Variants in CSNK2A1 observed in about 807,000 individuals in gnomAD.
The protein encoded by CSNK2A1 is casein kinase II subunit alpha.
A neutral mutation model predicts 62.9 loss-of-function variants in CSNK2A1; 10 were observed. The ratio of observed to expected loss-of-function variants is 0.16; its 90% confidence interval spans 0.10 to 0.27. The LOEUF is 0.27. CSNK2A1 is among the 10% of genes least tolerant of loss of function. The pLI, the probability that CSNK2A1 is intolerant of heterozygous loss-of-function variation, is 1.00. For missense variants in CSNK2A1, 160 were observed against 492.0 expected, an observed-to-expected ratio of 0.33 and a Z score of 6.38; for synonymous variants, 124 against 167.8, an observed-to-expected ratio of 0.74 and a Z score of 2.02.
chr20:505,235 G>A lies in CSNK2A1; in HGVS notation c.102-6C>T. ...GCTGGTAGTCATCTTGATTTCTGTGGACACAAACAAAATGACTTATAAACG... is the reference window on the plus strand; with the variant it reads ...GCTGGTAGTCATCTTGATTTCTGTGAACACAAACAAAATGACTTATAAACG... On this transcript the variant is annotated splice_polypyrimidine_tract_variant and splice_region_variant and intron_variant, in intron 3 of 13. Coordinates refer to ENST00000217244, the MANE Select transcript of CSNK2A1 (RefSeq NM_177559.3). The A allele has an allele frequency of 6.2e-7, 1 of 1,607,988 alleles. No homozygotes were observed. The highest frequency in any genetic ancestry group is 8.5e-7 in the Non-Finnish European group (1 of 1,175,662).
rs2018411797 is a variant in CSNK2A1 at position 499,386 on chromosome 20, G to A, written c.316-81C>T. On this transcript the variant is annotated intron_variant, in intron 5 of 13. Coordinates refer to ENST00000217244, the MANE Select transcript of CSNK2A1 (RefSeq NM_177559.3). The surrounding 1 kb of genome is among the most constrained non-coding windows in gnomAD (Gnocchi z 4.2). ...AATGGGGACAATGTTTGCGGATGCT[G>A]CGTGGTGAAATTTGGCAGTCCTCGC... The A allele has an allele frequency of 7.0e-7, 1 of 1,422,120 alleles. No individual in the cohort carries two copies. The highest frequency in any genetic ancestry group is 9.7e-7 in the Non-Finnish European group (1 of 1,034,850). 88.1% of individuals were successfully genotyped at this position (1,422,120 alleles called of 1,614,324 possible).
chr20:538,936 G>A (rs1243605627), intron 1 of CSNK2A1, among the ~76,000 whole-genome samples: 1 of 152,114 alleles, frequency 6.6e-6, no homozygotes, highest in East Asian at 1.9e-4. Context: ...ATCTCACTAA[G>A]CTGACCATCA....
At chr20:485,843 T>C (rs1429130638) in intron 13 of CSNK2A1, among the ~76,000 whole-genome samples, 2 of 152,242 alleles carry the variant, frequency 1.3e-5, no homozygotes, top group African/African-American at 2.4e-5. Flanking sequence ...ATAATTCTTA[T>C]GCTATGTGCC....
intron 13 of CSNK2A1, 73 bp from the exon 14 acceptor site, chr20:484,149 C>A (rs977638614): frequency 6.1e-5 from 74 of 1,222,580 alleles, no homozygotes; most frequent in Non-Finnish European, 7.8e-5. Flanking sequence ...ATAGCACTCA[C>A]TGCAAAAGGA....
chr20:520,091 A>G (rs957087012), intron 2 of CSNK2A1, among the ~76,000 whole-genome samples: 3 of 152,188 alleles, frequency 2.0e-5, no homozygotes, highest in African/African-American at 4.8e-5. Flanking sequence ...AAAGAATCCA[A>G]AAGAATGTTA....
intron 1 of CSNK2A1, among the ~76,000 whole-genome samples, chr20:531,866 A>AT (rs2019219826): frequency 6.6e-6 from 1 of 152,236 alleles, no homozygotes; most frequent in South Asian, 2.1e-4. Context: ...TCAGGTAGAG[A>AT]TAACAGTTTT....
At chr20:489,746 C>T (rs2018177396) in intron 10 of CSNK2A1, 34 bp downstream of exon 10, 1 of 1,561,712 alleles carries the variant, frequency 6.4e-7, no homozygotes, top group Non-Finnish European at 8.8e-7. Flanking sequence ...TGCATTAGGC[C>T]AGTACATTTT....
At chr20:510,669 G>C (rs2018700591) in intron 2 of CSNK2A1, among the ~76,000 whole-genome samples, 1 of 152,128 alleles carries the variant, frequency 6.6e-6, no homozygotes, top group Non-Finnish European at 1.5e-5. Flanking sequence ...AGGTAAACGT[G>C]CGTAAAGGGA....
rs2018407411 is a variant in CSNK2A1 at position 499,204 on chromosome 20, C to T, written c.366+51G>A. On this transcript the variant is annotated intron_variant, in intron 6 of 13. Transcript: ENST00000217244. The surrounding 1 kb of genome is among the most constrained non-coding windows in gnomAD (Gnocchi z 4.2). ...CTTCTAACAGCATCATCCCCAAAGGCTATGTGGTCTAAAAACCCACTAGCC... is the reference window on the plus strand; with the variant it reads ...CTTCTAACAGCATCATCCCCAAAGGTTATGTGGTCTAAAAACCCACTAGCC... The T allele has an allele frequency of 6.8e-7, 1 of 1,463,664 alleles. No homozygotes were observed. Among genetic ancestry groups the T allele is most frequent in the Non-Finnish European group, 9.3e-7 (1 of 1,078,588 alleles). The allele number at this position is 1,463,664 out of a possible 1,614,324, so 90.7% of individuals were successfully genotyped here.
chr20:527,737 CCA>C (rs11469422), intron 2 of CSNK2A1, among the ~76,000 whole-genome samples, 194 bp downstream of exon 2: 43,852 of 151,878 alleles, frequency 0.29, 6,978 homozygotes, highest in East Asian at 0.65. Context: ...CCGTGTTTCA[CCA>C]CACTGCCCAG....
At chr20:525,280 G>A (rs1472629717) in intron 2 of CSNK2A1, among the ~76,000 whole-genome samples, 5 of 152,084 alleles carry the variant, frequency 3.3e-5, no homozygotes, top group Non-Finnish European at 7.4e-5. Flanking sequence ...GGGAGGCTGA[G>A]GTGAGTGGAT....
intron 6 of CSNK2A1, chr20:498,398 T>C (rs2018390375): frequency 6.8e-6 from 1 of 147,498 alleles, no homozygotes; most frequent in African/African-American, 2.5e-5. Flanking sequence ...TGGAGTGCCG[T>C]GCTGCAATCA....
chr20:494,839 C>T (rs2018313840), intron 8 of CSNK2A1: 1 of 152,212 alleles, frequency 6.6e-6, no homozygotes, highest in Admixed American at 6.5e-5. Context: ...GGCTTTTGTA[C>T]TTGCTATTTA....
chr20:516,196 T>C (rs921502898), intron 2 of CSNK2A1, among the ~76,000 whole-genome samples: 8 of 152,242 alleles, frequency 5.3e-5, no homozygotes, highest in African/African-American at 1.7e-4. Context: ...CCATTTTAAA[T>C]TGTCTTACTT....
At chr20:523,113 C>T (rs944640905) in intron 2 of CSNK2A1, among the ~76,000 whole-genome samples, 1 of 151,984 alleles carries the variant, frequency 6.6e-6, no homozygotes, top group Non-Finnish European at 1.5e-5. Context: ...TTAAATACTG[C>T]CAATATTTAA....
chr20:490,335 CTTTTTTT>C (rs907727482), intron 9 of CSNK2A1, among the ~76,000 whole-genome samples: 1 of 84,802 alleles, frequency 1.2e-5, no homozygotes, highest in African/African-American at 5.5e-5. Context: ...CTAGTTTTTT[CTTTTTTT>C]TTTTTTTTTA....
intron 13 of CSNK2A1, 55 bp downstream of exon 13, chr20:486,321 A>G (rs2018097017): frequency 1.2e-6 from 2 of 1,602,040 alleles, no homozygotes; most frequent in East Asian, 2.2e-5. Context: ...CCACAAAGCT[A>G]AGAACAGTAA....
chr20:484,796 G>T (rs1409516407), intron 13 of CSNK2A1, among the ~76,000 whole-genome samples: 2 of 151,852 alleles, frequency 1.3e-5, no homozygotes, highest in Non-Finnish European at 2.9e-5. Flanking sequence ...GCCAGGTGCA[G>T]TGTCTCACGC....
intron 3 of CSNK2A1, among the ~76,000 whole-genome samples, chr20:505,485 G>A (rs568058240): frequency 7.7e-5 from 11 of 143,618 alleles, no homozygotes; most frequent in Admixed American, 2.2e-4. Context: ...TCAGCCTCCC[G>A]AGCAGCTGGG....
Sources: allele counts gnomAD v4.1 joint callset (sites outside exome capture counted in the v4.1 genomes callset), GRCh38; gene constraint gnomAD v4.1.1; non-coding constraint Gnocchi (gnomAD v3.1); transcripts MANE v1.5; gene names NCBI Gene and HGNC (gene_info 2026-07-23, HGNC 2026-07-21).